ACACB: variants seen among roughly 807,000 people sequenced by gnomAD.
ACACB encodes acetyl-CoA carboxylase 2.
ACACB carries 209 observed loss-of-function variants against 278.8 expected under a neutral mutation model. The observed-to-expected ratio is 0.75, with a 90% confidence interval of 0.67 to 0.84. ACACB has a LOEUF of 0.84. Among genes scored for constraint, ACACB ranks in the 40% least tolerant of loss-of-function variants. ACACB has a pLI of 0.00. For synonymous variants in ACACB, 1,174 were observed against 1,285.6 expected, an observed-to-expected ratio of 0.91 and a Z score of 1.86; for missense variants, 2,850 against 3,269.0, an observed-to-expected ratio of 0.87 and a Z score of 3.13.
chr12:109,213,062 G>C (rs1475067483), intron 22 of ACACB, 126 bp downstream of exon 22: 1 of 724,526 alleles, frequency 1.4e-6, no homozygotes, highest in Non-Finnish European at 2.4e-6. Context: ...TTATAGTCCT[G>C]CAGTGCCATT....
intron 13 of ACACB, among the ~76,000 whole-genome samples, chr12:109,189,873 G>A (rs532425520): frequency 2.0e-4 from 30 of 152,304 alleles, no homozygotes; most frequent in African/African-American, 6.7e-4. Context: ...CACTTTGGGA[G>A]GCCAAGGCGG....
intron 24 of ACACB, among the ~76,000 whole-genome samples, chr12:109,218,161 C>T (rs983226576): frequency 3.9e-5 from 6 of 152,166 alleles, no homozygotes; most frequent in Admixed American, 3.9e-4. Flanking sequence ...AGTCTCTGTT[C>T]TTGTTTCTCT....
In ACACB at chr12:109,180,106, G is replaced by C. The variant is rs1364807131; in HGVS notation, c.1818+19G>C. The C allele has an allele frequency of 1.4e-5, 22 of 1,606,396 alleles. No homozygotes were observed. The highest frequency in any genetic ancestry group is 1.9e-5 in the Non-Finnish European group (22 of 1,175,380). ...GCTACAGGTGAGAAAATGGGCTTGG[G>C]GCCCTGGGACTTCTCTGCCCTGGGT... On this transcript the variant is annotated intron_variant, in intron 11 of 52. Coordinates refer to ENST00000338432, the MANE Select transcript of ACACB (RefSeq NM_001093.4).
chr12:109,230,362 A>G (rs1231501523), intron 28 of ACACB, among the ~76,000 whole-genome samples: 1 of 152,128 alleles, frequency 6.6e-6, no homozygotes, highest in East Asian at 1.9e-4. Context: ...GGGGATTTGG[A>G]GAGCAGTGGT....
At chr12:109,117,693 T>C (rs1402743857) in intron 1 of ACACB, among the ~76,000 whole-genome samples, 1 of 152,248 alleles carries the variant, frequency 6.6e-6, no homozygotes, top group Non-Finnish European at 1.5e-5. Flanking sequence ...TGGGCATCCA[T>C]ATAGGTTGGG....
At chr12:109,211,403 C>A (rs1237234945) in intron 21 of ACACB, among the ~76,000 whole-genome samples, 1 of 148,930 alleles carries the variant, frequency 6.7e-6, no homozygotes, top group African/African-American at 2.5e-5. Context: ...GTGTACACCA[C>A]CATTCCCAGC....
chr12:109,223,839 A>G lies in ACACB; in HGVS notation c.3817A>G (p.Ile1273Val). The change falls in exon 27 of 53, where the codon ATC becomes GTC. Residue 1273 changes from isoleucine (I) to valine (V), a missense_variant. By Grantham distance (29) the Ile-to-Val change is conservative. Around this residue, in one of 3 missense-constraint regions of ACACB, gnomAD observed 2,265 missense variants for 2,561.3 expected, o/e 0.88. Transcript: ENST00000338432. ...GAAATTAATACTTTCGGAAACAACC[A>G]TCTTCGACGTCCTGCCTACTTTCTT... ...LKKLILSETT[I>V]FDVLPTFFYH... 8.1e-6 allele frequency: 13 copies of G among 1,614,076 alleles called. No individual in the cohort carries two copies. The highest frequency in any genetic ancestry group is 1.3e-5 in the African/African-American group (1 of 75,032).
intron 27 of ACACB, among the ~76,000 whole-genome samples, chr12:109,224,565 G>A (rs935627959): frequency 6.7e-6 from 1 of 149,762 alleles, no homozygotes; most frequent in African/African-American, 2.5e-5. Context: ...TTTGAGACTC[G>A]CTTGTGCCTA....
At chr12:109,146,916 C>T (rs1339114357) in intron 2 of ACACB, among the ~76,000 whole-genome samples, 2 of 152,156 alleles carry the variant, frequency 1.3e-5, no homozygotes, top group Middle Eastern at 3.2e-3. Context: ...CTCAAGCAAT[C>T]TGCCCACCTC....
intron 4 of ACACB, among the ~76,000 whole-genome samples, chr12:109,169,136 C>T: frequency 1.3e-5 from 1 of 77,728 alleles, no homozygotes; most frequent in South Asian, 5.4e-4. Flanking sequence ...CAGAGTGAGA[C>T]TGTCTCAAAA....
Position 109,206,652 on chromosome 12 carries a change from G to T in ACACB, c.2914-58G>T, listed in dbSNP as rs2045524843. ...TCTGTCCTGCCTCCCGTTCTGCCCG[G>T]TCCCATTTGGAATTCCCAGAGTTTT... On this transcript the variant is annotated intron_variant, in intron 19 of 52. Transcript: ENST00000338432. 3 of 1,604,430 alleles carry T rather than the reference G, an allele frequency of 1.9e-6. No individual in the cohort carries two copies. The Admixed American group carries it at 5.0e-5, about 27-fold the overall frequency.
chr12:109,216,662 A>G lies in ACACB; in HGVS notation c.3395A>G (p.Asp1132Gly). The G allele has an allele frequency of 6.2e-7, 1 of 1,614,200 alleles. No individual in the cohort carries two copies. Among genetic ancestry groups the G allele is most frequent in the Non-Finnish European group, 8.5e-7 (1 of 1,180,030 alleles). The change falls in exon 23 of 53, where the codon GAT becomes GGT. Residue 1132 changes from aspartate to glycine, a missense_variant. By Grantham distance (94) the Asp-to-Gly change is moderately conservative (BLOSUM62 -1). Coordinates refer to ENST00000338432, the MANE Select transcript of ACACB (RefSeq NM_001093.4). ...GGCTATATGAAAACAGTGGTGTTGG[A>G]TCTCCTGAGAAGATACTTGCGTGTT... The part of the protein sequence containing the change: ...IRGYMKTVVL[D>G]LLRRYLRVEH...
In ACACB at chr12:109,239,862, T is replaced by C. The variant is rs2046744507; in HGVS notation, c.4695T>C (p.Gly1565=). ...CCTTCGAATACCTGCAGAACGAGGG[T>C]GAGCGGCTGCTCCTGGAGGCCATGG... ...EASFEYLQNE[G]ERLLLEAMDE... is the part of the protein sequence containing the mutation. The change falls in exon 35 of 53, where the codon GGT becomes GGC. Residue 1565 remains glycine (G), a synonymous_variant. Coordinates refer to ENST00000338432, the MANE Select transcript of ACACB (RefSeq NM_001093.4). 6.2e-7 allele frequency: 1 copy of C among 1,614,002 alleles called. No homozygotes were observed. The highest frequency in any genetic ancestry group is 1.3e-5 in the African/African-American group (1 of 75,044).
At position 109,179,296 on chromosome 12, in the gene ACACB, A is replaced by G; in HGVS notation, c.1646A>G (p.Gln549Arg). ...APLAIFEFME[Q>R]CAIRLAKTVG... ...CTGGCCATATTCGAGTTCATGGAGC[A>G]GGTACACTTCTCAGAGCCCAGGGGG... The change falls in exon 10 of 53, where the codon CAG becomes CGG. Residue 549 changes from glutamine (Q) to arginine (R), a missense_variant and splice_region_variant. Gln to Arg is a conservative substitution (Grantham distance 43, BLOSUM62 1). This residue lies in a region of ACACB where 2,265 missense variants were observed against 2,561.3 expected (regional missense o/e 0.88). Transcript: ENST00000338432. The G allele has an allele frequency of 6.2e-7, 1 of 1,612,856 alleles. No individual in the cohort carries two copies. Among genetic ancestry groups the G allele is most frequent in the Non-Finnish European group, 8.5e-7 (1 of 1,179,720 alleles).
chr12:109,210,428 T>C (rs538246604), intron 21 of ACACB, among the ~76,000 whole-genome samples: 16 of 126,410 alleles, frequency 1.3e-4, no homozygotes, highest in African/African-American at 1.8e-4. Context: ...TATATATGTA[T>C]ATACACGCAC....
intron 47 of ACACB, 62 bp downstream of exon 47, chr12:109,259,170 T>A (rs1255338360): frequency 1.3e-6 from 2 of 1,565,048 alleles, no homozygotes; most frequent in Non-Finnish European, 8.7e-7. Context: ...GACAGCACCC[T>A]CTGGGTGGTG....
At chr12:109,209,868 C>CACGTGTGTATATATGTAT (rs2045637893) in intron 21 of ACACB, among the ~76,000 whole-genome samples, 2 of 134,716 alleles carry the variant, frequency 1.5e-5, no homozygotes, top group African/African-American at 5.7e-5. Context: ...TATATACACA[C>CACGTGTGTATATATGTAT]ATACACACAC....
intron 1 of ACACB, among the ~76,000 whole-genome samples, chr12:109,120,902 A>C (rs1275172267): frequency 6.6e-6 from 1 of 152,174 alleles, no homozygotes; most frequent in African/African-American, 2.4e-5. Flanking sequence ...TGCACAGCAT[A>C]AGACTCAGTG....
rs745333353 is a variant in ACACB, at chr12:109,166,880, C to T, written c.673C>T (p.His225Tyr). 1 of 1,613,982 alleles carries T rather than the reference C, an allele frequency of 6.2e-7. No homozygotes were observed. Among genetic ancestry groups the T allele is most frequent in the South Asian group, 1.1e-5 (1 of 91,064 alleles). Residue 225 changes from histidine (H) to tyrosine (Y), a missense_variant, in exon 3 of 53, where the codon CAC becomes TAC. Coordinates refer to ENST00000338432, the MANE Select transcript of ACACB (RefSeq NM_001093.4). ...CTGCAGGCCGAGCATGTCGGGACTC[C>T]ACCTGGTGAAGAGGGGACGGGAACA... ...PTMRPSMSGL[H>Y]LVKRGREHKK... is the part of the protein sequence containing the mutation.
Sources: allele counts gnomAD v4.1 joint callset (sites outside exome capture counted in the v4.1 genomes callset), GRCh38; gene constraint gnomAD v4.1.1; regional missense constraint gnomAD v4.1.1; transcripts MANE v1.5; gene names NCBI Gene and HGNC (gene_info 2026-07-23, HGNC 2026-07-21).